The following MFN2 variants were observed in gnomAD, a reference collection of about 807,000 sequenced individuals.
MFN2 encodes the protein mitofusin 2.
In MFN2, 43 loss-of-function variants were observed where a neutral mutation model predicts 87.5. The ratio of observed to expected loss-of-function variants is 0.49; its 90% CI spans 0.38 to 0.63. The LOEUF is 0.63. Ranked by LOEUF, MFN2 falls within the 30% of genes least tolerant of loss-of-function variation. The probability of loss-of-function intolerance (pLI) is 0.00; values close to 1 mark genes in which losing one functional copy is unlikely to be tolerated. For missense variants in MFN2, 743 were observed against 972.8 expected (o/e 0.76, Z 3.14); for synonymous variants, 337 against 359.9 (o/e 0.94, Z 0.72).
At chr1:11,993,733 C>CAAA (rs34578450) in intron 4 of MFN2, among the ~76,000 whole-genome samples, 1 of 123,500 alleles carries the variant, frequency 8.1e-6, no homozygotes, top group Non-Finnish European at 1.7e-5. Context: ...GACTCCATCT[C>CAAA]AAAAAAAAAA....
At position 11,992,590 on chromosome 1, in the gene MFN2, A is replaced by G. The variant is rs548809273; in HGVS notation, c.211A>G (p.Thr71Ala). 8 of 1,614,170 alleles carry G rather than the reference A, an allele frequency of 5.0e-6. No individual in the cohort carries two copies. Among genetic ancestry groups the G allele is most frequent in the South Asian group, 1.1e-5 (1 of 91,082 alleles). ...YRNAELDPVT[T>A]EEQVLDVKGY... is the part of the protein sequence containing the mutation. Reference sequence around the variant, plus strand: ...GAATGCAGAACTGGACCCCGTTACCACAGAAGAACAGGTTCTGGACGTCAA... The same window carrying G: ...GAATGCAGAACTGGACCCCGTTACCGCAGAAGAACAGGTTCTGGACGTCAA... The change falls in exon 4 of 19, where the codon ACA (threonine) becomes GCA (alanine). Residue 71 changes from threonine to alanine, a missense_variant. By Grantham distance (58) the Thr-to-Ala change is moderately conservative. This residue lies in a region of MFN2 where 141 missense variants were observed against 278.9 expected (regional missense o/e 0.51). Coordinates refer to ENST00000235329, the MANE Select transcript of MFN2 (RefSeq NM_014874.4).
At chr1:11,990,735 G>T (rs1638639790) in intron 3 of MFN2, among the ~76,000 whole-genome samples, 1 of 152,224 alleles carries the variant, frequency 6.6e-6, no homozygotes, top group East Asian at 1.9e-4. Flanking sequence ...TTGTTGGCCT[G>T]CTGGCTCTCG....
At chr1:11,988,201 C>G (rs1638509862) in intron 2 of MFN2, among the ~76,000 whole-genome samples, 1 of 151,784 alleles carries the variant, frequency 6.6e-6, no homozygotes, top group Non-Finnish European at 1.5e-5. Context: ...CTCCCAGGTT[C>G]AAGCAATTCT....
intron 2 of MFN2, among the ~76,000 whole-genome samples, chr1:11,988,527 C>T (rs1309847587): frequency 1.3e-5 from 2 of 151,560 alleles, no homozygotes; most frequent in Non-Finnish European, 2.9e-5. Context: ...GTATGAGCCA[C>T]TGAACCTGGC....
At position 12,004,042 on chromosome 1, in the gene MFN2, T is replaced by C. The variant is rs890382052; in HGVS notation, c.1211T>C (p.Ile404Thr). The C allele has an allele frequency of 1.2e-6, 2 of 1,614,088 alleles. No homozygotes were observed. The highest frequency in any genetic ancestry group is 2.7e-5 in the African/African-American group (2 of 74,940). The change falls in exon 12 of 19, where the codon ATT (isoleucine) becomes ACT (threonine). Residue 404 changes from isoleucine (I) to threonine (T), a missense_variant. Around this residue, in one of 3 missense-constraint regions of MFN2, gnomAD observed 571 missense variants for 670.7 expected, o/e 0.85. Transcript: ENST00000235329. This position sits in a 1 kb window ranked among gnomAD's most constrained non-coding sequence, Gnocchi z 4.2. ...GAGCGGCAAGACCGACTGAAATTTA[T>C]TGACAAACAGCTGGAGCTCTTGGCT... ...REERQDRLKF[I>T]DKQLELLAQD...
At chr1:12,008,486 G>A (rs1278589904) in intron 17 of MFN2, among the ~76,000 whole-genome samples, 8 of 151,922 alleles carry the variant, frequency 5.3e-5, no homozygotes, top group South Asian at 2.1e-4. Flanking sequence ...CCCACCTCCC[G>A]GACGGGGCGG....
chr1:12,001,713 A>G, intron 9 of MFN2, 56 bp from the exon 10 acceptor site: 2 of 1,609,518 alleles, frequency 1.2e-6, no homozygotes, highest in South Asian at 1.1e-5. Flanking sequence ...TGGGGATTTC[A>G]TCGTTTTCCT....
intron 8 of MFN2, among the ~76,000 whole-genome samples, chr1:12,000,064 T>C (rs990061637): frequency 3.3e-5 from 5 of 150,624 alleles, no homozygotes; most frequent in African/African-American, 4.9e-5. Flanking sequence ...GCCACTGTAC[T>C]CCAGCCTGGG....
chr1:12,006,119 T>C (rs1265106234), intron 15 of MFN2, among the ~76,000 whole-genome samples, 188 bp downstream of exon 15: 2 of 152,078 alleles, frequency 1.3e-5, no homozygotes, highest in Non-Finnish European at 2.9e-5. Context: ...AGCAGTGATA[T>C]TTGTGAAATG....
At chr1:11,982,168 G>T (rs1279086873) in intron 2 of MFN2, 54 bp downstream of exon 2, 1 of 152,214 alleles carries the variant, frequency 6.6e-6, no homozygotes, top group Admixed American at 6.5e-5. Context: ...GTGGACAGGG[G>T]TGTGCTCTCC....
chr1:12,010,303 C>T (rs146772952), intron 18 of MFN2, among the ~76,000 whole-genome samples: 30 of 152,346 alleles, frequency 2.0e-4, no homozygotes, highest in Non-Finnish European at 7.3e-5. Context: ...CAGTTCACAG[C>T]GCCCTGTGCT....
At chr1:12,011,025 G>T (rs1024311512) in intron 18 of MFN2, among the ~76,000 whole-genome samples, 3 of 151,354 alleles carry the variant, frequency 2.0e-5, no homozygotes, top group African/African-American at 7.3e-5. Context: ...CTGCGGATGT[G>T]CCCCCCCCGC....
chr1:12,001,380 A>G lies in MFN2; in HGVS notation c.817-21A>G, dbSNP rs746859554. On this transcript the variant is annotated intron_variant, in intron 8 of 18. Transcript: ENST00000235329. ...GTGGGGCCACCTACACTCACTCTGGACACATTTGTTTGGGCTCCAGGTGCG... is the reference window on the plus strand; with the variant it reads ...GTGGGGCCACCTACACTCACTCTGGGCACATTTGTTTGGGCTCCAGGTGCG... 3.1e-6 allele frequency: 5 copies of G among 1,612,766 alleles called. No individual in the cohort carries two copies. The South Asian group carries it at 5.5e-5, about 18-fold the overall frequency.
intron 7 of MFN2, 39 bp downstream of exon 7, chr1:11,998,917 C>T: frequency 6.2e-7 from 1 of 1,610,980 alleles, no homozygotes; most frequent in Non-Finnish European, 8.5e-7. Context: ...TCCCAGCACC[C>T]CCTGGGCAGG....
chr1:12,011,758 G>GAGCT lies in MFN2; in HGVS notation c.*194_*197dup, dbSNP rs1272428603. 3.1e-6 allele frequency: 2 copies of GAGCT among 640,122 alleles called. No homozygotes were observed. The highest frequency in any genetic ancestry group is 5.5e-6 in the Non-Finnish European group (2 of 361,016). The allele number at this position is 640,122 out of a possible 1,614,324, so 39.7% of individuals were successfully genotyped here. On this transcript the variant is annotated 3_prime_UTR_variant, in exon 19 of 19. Coordinates refer to ENST00000235329, the MANE Select transcript of MFN2 (RefSeq NM_014874.4). ...CCACCTTTGCCTGCTGTTGCTGGAA[G>GAGCT]AGCTGGCTCATACCCCCAAAGGACA...
chr1:11,986,766 T>C (rs1638428487), intron 2 of MFN2, among the ~76,000 whole-genome samples: 1 of 151,898 alleles, frequency 6.6e-6, no homozygotes, highest in Non-Finnish European at 1.5e-5. Context: ...AATTTTTGTA[T>C]TTTTAGCAGA....
At chr1:11,994,621 C>T (rs373895438) in intron 4 of MFN2, among the ~76,000 whole-genome samples, 5 of 152,096 alleles carry the variant, frequency 3.3e-5, no homozygotes, top group East Asian at 1.9e-4. Flanking sequence ...AGAAAAAAGG[C>T]ATCTAGACAG....
Position 12,001,547 on chromosome 1 carries a change from T to A in MFN2, c.963T>A (p.Pro321=), listed in dbSNP as rs1464024708. The A allele has an allele frequency of 6.2e-7, 1 of 1,614,222 alleles. No individual in the cohort carries two copies. The highest frequency in any genetic ancestry group is 1.7e-5 in the Admixed American group (1 of 60,026). Residue 321 remains proline, a synonymous_variant, in exon 9 of 19, where the codon CCT becomes CCA. Coordinates refer to ENST00000235329, the MANE Select transcript of MFN2 (RefSeq NM_014874.4). ...NARIQKAQGM[P]EGGGALAEGF... is the part of the protein sequence containing the mutation. Reference sequence around the variant, plus strand: ...GGATTCAGAAAGCCCAGGGCATGCCTGAAGGAGGTAATGATGAGAACAGAT... The same window carrying A: ...GGATTCAGAAAGCCCAGGGCATGCCAGAAGGAGGTAATGATGAGAACAGAT...
chr1:11,989,156 C>G lies in MFN2; in HGVS notation c.-4-9C>G. The G allele has an allele frequency of 6.2e-7, 1 of 1,613,944 alleles. No individual in the cohort carries two copies. Among genetic ancestry groups the G allele is most frequent in the Non-Finnish European group, 8.5e-7 (1 of 1,180,018 alleles). On this transcript the variant is annotated splice_polypyrimidine_tract_variant and intron_variant, in intron 2 of 18. Coordinates refer to ENST00000235329, the MANE Select transcript of MFN2 (RefSeq NM_014874.4). ...TTGCTGGGTTCGCTCACGTTAGCTTCTCTTGCAGCGCAATGTCCCTGCTCT... is the reference window on the plus strand; with the variant it reads ...TTGCTGGGTTCGCTCACGTTAGCTTGTCTTGCAGCGCAATGTCCCTGCTCT...
Sources: gnomAD v4.1 joint callset for allele counts (sites outside exome capture counted in the v4.1 genomes callset) on GRCh38, gnomAD v4.1.1 for gene constraint, gnomAD v4.1.1 regional missense constraint, Gnocchi (gnomAD v3.1) non-coding constraint, MANE v1.5 for transcripts, NCBI Gene and HGNC (gene_info 2026-07-23, HGNC 2026-07-21) for gene names.